Variants in GPC5 observed in about 807,000 individuals in gnomAD.
GPC5 encodes the protein glypican-5.
GPC5 carries 47 observed loss-of-function variants against 53.9 expected under a neutral mutation model. The ratio of observed to expected loss-of-function variants is 0.87; its 90% CI spans 0.69 to 1.11. The LOEUF (loss-of-function observed/expected upper bound fraction) is 1.11, where lower values mean the gene tolerates loss of function less well. GPC5 is among the 50% of genes most tolerant of loss of function. GPC5 has a pLI of 0.00. For missense variants in GPC5, 748 were observed against 713.1 expected, an observed-to-expected ratio of 1.05 and a Z score of -0.56; for synonymous variants, 286 against 263.3, an observed-to-expected ratio of 1.09 and a Z score of -0.84.
At chr13:92,667,840 G>A (rs1886625391) in intron 7 of GPC5, among the ~76,000 whole-genome samples, 1 of 152,122 alleles carries the variant, frequency 6.6e-6, no homozygotes, top group Non-Finnish European at 1.5e-5. Context: ...TTACCTAAAA[G>A]CCAGTTCATA....
At chr13:92,119,278 A>T (rs2041625589) in intron 6 of GPC5, among the ~76,000 whole-genome samples, 1 of 151,860 alleles carries the variant, frequency 6.6e-6, no homozygotes, top group Non-Finnish European at 1.5e-5. Context: ...ATTACCTCCC[A>T]CTGTGTCCCT....
chr13:92,659,688 A>C (rs1939039683), intron 7 of GPC5, among the ~76,000 whole-genome samples: 1 of 152,184 alleles, frequency 6.6e-6, no homozygotes, highest in Admixed American at 6.5e-5. Flanking sequence ...TACTTCAATA[A>C]TGTCAGACAT....
At chr13:92,677,101 T>C (rs1323168147) in intron 7 of GPC5, among the ~76,000 whole-genome samples, 2 of 152,202 alleles carry the variant, frequency 1.3e-5, no homozygotes, top group African/African-American at 2.4e-5. Context: ...CTTAAAGTAA[T>C]TGAAGTACGA....
chr13:91,506,185 A>G (rs1476866646), intron 2 of GPC5, among the ~76,000 whole-genome samples: 3 of 152,118 alleles, frequency 2.0e-5, no homozygotes, highest in African/African-American at 2.4e-5. Context: ...CTCTTTCACT[A>G]TATTCTATTT....
intron 7 of GPC5, among the ~76,000 whole-genome samples, chr13:92,324,001 G>A (rs1422456342): frequency 6.6e-6 from 1 of 151,864 alleles, no homozygotes; most frequent in East Asian, 1.9e-4. Context: ...TTGTTTTGAT[G>A]TAGTTTCTGT....
Position 92,767,165 on chromosome 13 carries a change from G to A in GPC5, c.1562-99117G>A, listed in dbSNP as rs367760384. On this transcript the variant is annotated intron_variant, in intron 7 of 7. Coordinates refer to ENST00000377067, the MANE Select transcript of GPC5 (RefSeq NM_004466.6). ...TGTTTGTTTGTTTTTCTCTGTTAAC[G>A]GTGTAAATTCAGAAAAATCTTCCAG... 4.6e-5 allele frequency among the ~76,000 whole-genome samples: 7 copies of A among 152,228 alleles called. No homozygotes were observed. In the East Asian group the frequency reaches 5.8e-4, roughly 13 times the overall value.
intron 5 of GPC5, among the ~76,000 whole-genome samples, chr13:91,766,711 T>A (rs1415825018): frequency 2.0e-4 from 30 of 151,940 alleles, no homozygotes; most frequent in Admixed American, 2.0e-3. Context: ...AAATACAAAA[T>A]TAACTGTGTG....
intron 7 of GPC5, among the ~76,000 whole-genome samples, chr13:92,664,570 G>A (rs545109246): frequency 2.0e-5 from 3 of 151,982 alleles, no homozygotes; most frequent in Non-Finnish European, 4.4e-5. Flanking sequence ...AAAGCCTGTT[G>A]ATAATCAATA....
intron 2 of GPC5, among the ~76,000 whole-genome samples, chr13:91,531,713 T>C (rs1026601482): frequency 1.3e-5 from 2 of 152,220 alleles, no homozygotes; most frequent in African/African-American, 4.8e-5. Context: ...GCAGCTTGAA[T>C]AGAAACTGTG....
At chr13:91,644,881 G>C (rs1308063571) in intron 2 of GPC5, among the ~76,000 whole-genome samples, 1 of 152,186 alleles carries the variant, frequency 6.6e-6, no homozygotes, top group African/African-American at 2.4e-5. Context: ...AAAATGTGCT[G>C]TTTATTAGGG....
intron 7 of GPC5, among the ~76,000 whole-genome samples, chr13:92,726,087 A>T (rs1888638097): frequency 6.6e-6 from 1 of 151,414 alleles, no homozygotes; most frequent in Admixed American, 6.6e-5. Flanking sequence ...CTGCTTCACC[A>T]AAGAGCTAAA....
intron 2 of GPC5, among the ~76,000 whole-genome samples, chr13:91,542,031 T>TTAATTAATTAA (rs1487674103): frequency 6.0e-5 from 9 of 150,322 alleles, no homozygotes; most frequent in Non-Finnish European, 1.2e-4. Flanking sequence ...TTAATTAATA[T>TTAATTAATTAA]TAATAATGTA....
At chr13:92,617,847 T>C (rs746010861) in intron 7 of GPC5, among the ~76,000 whole-genome samples, 1 of 152,162 alleles carries the variant, frequency 6.6e-6, no homozygotes, top group African/African-American at 2.4e-5. Context: ...TCTTCTTTTT[T>C]TATTATACTT....
chr13:91,880,455 T>G (rs1351887463), intron 5 of GPC5, among the ~76,000 whole-genome samples: 1 of 152,172 alleles, frequency 6.6e-6, no homozygotes, highest in African/African-American at 2.4e-5. Flanking sequence ...TAATTAGCAT[T>G]CCTTTTAATT....
rs1404448047 is a variant in GPC5 at position 91,830,932 on chromosome 13, TTATATATCCTATTATATATGA to T, written c.1280+74532_1280+74552del. On this transcript the variant is annotated intron_variant, in intron 5 of 7. Transcript: ENST00000377067. ...TATATAATATATATCCTATTATATATTATATATCCTATTATATATGATATATATCCTATTATATATTATATA... is the reference window on the plus strand; with the variant it reads ...TATATAATATATATCCTATTATATATTATATATCCTATTATATATTATATA... Among the ~76,000 whole-genome samples the T allele has an allele frequency of 1.4e-3, 194 of 135,750 alleles. 2 individuals are homozygous for T. Among genetic ancestry groups the T allele is most frequent in the African/African-American group, 5.0e-3 (183 of 36,356 alleles). The allele number at this position is 135,750 out of a possible 152,430, so 89.1% of individuals were successfully genotyped here.
chr13:92,344,726 G>T (rs2043396406), intron 7 of GPC5, among the ~76,000 whole-genome samples: 1 of 152,160 alleles, frequency 6.6e-6, no homozygotes, highest in Admixed American at 6.6e-5. Context: ...GCCAGCACCA[G>T]AGGAGAAAGC....
intron 6 of GPC5, among the ~76,000 whole-genome samples, chr13:92,126,405 G>A (rs1566446570): frequency 6.6e-6 from 1 of 152,156 alleles, no homozygotes; most frequent in Non-Finnish European, 1.5e-5. Flanking sequence ...TAGATGTCTT[G>A]CACATAGGAC....
intron 6 of GPC5, among the ~76,000 whole-genome samples, chr13:92,052,354 G>A (rs1322184981): frequency 6.6e-6 from 1 of 152,166 alleles, no homozygotes; most frequent in Non-Finnish European, 1.5e-5. Flanking sequence ...CTTAAAGGTG[G>A]CACAGACCCA....
chr13:92,837,108 T>A (rs1878246628), intron 7 of GPC5, among the ~76,000 whole-genome samples: 1 of 152,180 alleles, frequency 6.6e-6, no homozygotes, highest in African/African-American at 2.4e-5. Context: ...CTGAAGGATA[T>A]AATTACTTAC....
Sources: allele counts gnomAD v4.1 joint callset (sites outside exome capture counted in the v4.1 genomes callset), GRCh38; gene constraint gnomAD v4.1.1; transcripts MANE v1.5; gene names NCBI Gene and HGNC (gene_info 2026-07-23, HGNC 2026-07-21).